The following GALNTL6 variants were observed in gnomAD, a reference collection of about 807,000 sequenced individuals.
GALNTL6 encodes the protein polypeptide N-acetylgalactosaminyltransferase like 6.
In GALNTL6, 46 loss-of-function variants were observed where a neutral mutation model predicts 73.7. The ratio of observed to expected loss-of-function variants is 0.62; its 90% confidence interval spans 0.49 to 0.80. The LOEUF (loss-of-function observed/expected upper bound fraction) is 0.80, where lower values mean the gene tolerates loss of function less well. GALNTL6 is among the 30% of genes least tolerant of loss of function. The pLI, the probability that GALNTL6 is intolerant of heterozygous loss-of-function variation, is 0.00. For missense variants in GALNTL6, 604 were observed against 755.0 expected, an observed-to-expected ratio of 0.80 and a Z score of 2.34; for synonymous variants, 259 against 263.7, an observed-to-expected ratio of 0.98 and a Z score of 0.17.
In GALNTL6 at chr4:172,809,644, T is replaced by C; in HGVS notation, c.739+98T>C. On this transcript the variant is annotated intron_variant, in intron 6 of 12. Transcript: ENST00000506823. This position sits in a 1 kb window ranked among gnomAD's most constrained non-coding sequence, Gnocchi z 4.4. ...CAATCAGCAAACACTAGAGGTCCCT[T>C]CTACAAGTTTTCCAGGGGAAGCCTT... is the stretch of plus-strand genomic sequence containing the variant. 1.1e-6 allele frequency: 1 copy of C among 910,024 alleles called. No individual in the cohort carries two copies. Among genetic ancestry groups the C allele is most frequent in the Non-Finnish European group, 1.6e-6 (1 of 614,160 alleles). 56.4% of individuals were successfully genotyped at this position (910,024 alleles called of 1,614,324 possible). A position where few individuals can be genotyped will look rare whatever the true frequency, so the allele number is the denominator to read the frequency against.
chr4:172,535,572 T>C (rs945417773), intron 5 of GALNTL6, among the ~76,000 whole-genome samples: 7 of 152,206 alleles, frequency 4.6e-5, no homozygotes, highest in East Asian at 1.9e-4. Flanking sequence ...CTTTGAACAA[T>C]AACCACATCA....
chr4:172,619,211 G>A (rs1397279854), intron 5 of GALNTL6, among the ~76,000 whole-genome samples: 1 of 152,100 alleles, frequency 6.6e-6, no homozygotes, highest in Admixed American at 6.6e-5. Flanking sequence ...ATAATCTGGT[G>A]GGAAGGAAAA....
At chr4:172,376,594 A>G (rs1743040132) in intron 5 of GALNTL6, among the ~76,000 whole-genome samples, 1 of 152,158 alleles carries the variant, frequency 6.6e-6, no homozygotes. Context: ...AGTCGCTTTT[A>G]ACTGTGCCTG....
chr4:171,950,654 A>AT (rs1738850742), intron 2 of GALNTL6, among the ~76,000 whole-genome samples: 1 of 151,690 alleles, frequency 6.6e-6, no homozygotes, highest in African/African-American at 2.4e-5. Flanking sequence ...TAATTTTTGT[A>AT]TTTTTAGTAG....
intron 5 of GALNTL6, among the ~76,000 whole-genome samples, chr4:172,702,473 G>A (rs986700705): frequency 6.6e-6 from 1 of 151,934 alleles, no homozygotes; most frequent in Non-Finnish European, 1.5e-5. Context: ...TATTCCTGCT[G>A]AAGTCTGAAT....
intron 2 of GALNTL6, among the ~76,000 whole-genome samples, chr4:171,873,069 G>C (rs118012830): frequency 2.0e-5 from 3 of 152,088 alleles, no homozygotes; most frequent in Non-Finnish European, 4.4e-5. Context: ...ATATGTGTGC[G>C]CTCAAGGCCA....
At position 172,356,797 on chromosome 4, in the gene GALNTL6, A is replaced by T. The variant is rs191162090; in HGVS notation, c.553+8108A>T. Among the ~76,000 whole-genome samples, 7 of 152,256 alleles carry T rather than the reference A, an allele frequency of 4.6e-5. No homozygotes were observed. The East Asian group carries it at 1.2e-3, about 25-fold the overall frequency. ...CTAAGTCACACAGTGGGTCAATTTT[A>T]TATGCTTTGATAAATGCTAGTTTAA... On this transcript the variant is annotated intron_variant, in intron 5 of 12. Transcript: ENST00000506823.
At chr4:172,934,403 A>T (rs1258806021) in intron 9 of GALNTL6, among the ~76,000 whole-genome samples, 1 of 152,340 alleles carries the variant, frequency 6.6e-6, no homozygotes, top group Admixed American at 6.5e-5. Context: ...CTTTTTATGC[A>T]GAAACTATAA....
rs757287233 is a variant in GALNTL6 at position 172,712,343 on chromosome 4, C to A, written c.554-97018C>A. The stretch of plus-strand genomic sequence containing the variant: ...TTTTAGGGTACATGTGCAGAACGTG[C>A]AGGTTAGTTACGTATGTATACATGT... On this transcript the variant is annotated intron_variant, in intron 5 of 12. Transcript: ENST00000506823. Among the ~76,000 whole-genome samples, 19 of 152,050 alleles carry A rather than the reference C, an allele frequency of 1.2e-4. No homozygotes were observed. The East Asian group carries it at 3.7e-3, about 29-fold the overall frequency.
intron 11 of GALNTL6, among the ~76,000 whole-genome samples, chr4:173,009,707 C>T (rs1366649095): frequency 6.6e-6 from 1 of 152,174 alleles, no homozygotes; most frequent in Non-Finnish European, 1.5e-5. Flanking sequence ...ACTTGCTTTT[C>T]CCCTGACCAT....
chr4:172,490,838 C>T (rs1472501346), intron 5 of GALNTL6, among the ~76,000 whole-genome samples: 3 of 152,142 alleles, frequency 2.0e-5, no homozygotes, highest in East Asian at 3.9e-4. Context: ...CAGATTGTAC[C>T]GCAAGGTCAG....
At chr4:172,585,797 T>A (rs1275117717) in intron 5 of GALNTL6, among the ~76,000 whole-genome samples, 1 of 151,880 alleles carries the variant, frequency 6.6e-6, no homozygotes, top group Non-Finnish European at 1.5e-5. Context: ...ACAAGGAACT[T>A]AAACAAATTT....
At chr4:172,656,914 A>G (rs1263973977) in intron 5 of GALNTL6, among the ~76,000 whole-genome samples, 1 of 145,214 alleles carries the variant, frequency 6.9e-6, no homozygotes, top group Non-Finnish European at 1.5e-5. Flanking sequence ...ATTGAGTTAA[A>G]TGAGAAGGAC....
rs183745001 is a variant in GALNTL6, at chr4:171,828,482, G to A, written c.138+13764G>A. ...AAGACAAAGTAGAGTTGTTTGATAC[G>A]TACCGTAGATGGAAGTCCACAGCTG... is the stretch of plus-strand genomic sequence containing the variant. On this transcript the variant is annotated intron_variant, in intron 2 of 12. Coordinates refer to ENST00000506823, the MANE Select transcript of GALNTL6 (RefSeq NM_001034845.3). Among the ~76,000 whole-genome samples the A allele has an allele frequency of 1.3e-4, 20 of 152,324 alleles. No individual in the cohort carries two copies. In the East Asian group the frequency reaches 3.1e-3, roughly 23 times the overall value.
chr4:171,977,624 T>A (rs1034900614), intron 2 of GALNTL6, among the ~76,000 whole-genome samples: 4 of 152,154 alleles, frequency 2.6e-5, no homozygotes, highest in African/African-American at 9.7e-5. Context: ...TATCTGTAAT[T>A]ACAGTCACAT....
chr4:171,883,088 CA>C (rs1736498906), intron 2 of GALNTL6, among the ~76,000 whole-genome samples: 1 of 152,148 alleles, frequency 6.6e-6, no homozygotes, highest in African/African-American at 2.4e-5. Context: ...CAGTGGCTCA[CA>C]CCTGTAATCC....
chr4:171,973,756 T>G (rs1408720669), intron 2 of GALNTL6, among the ~76,000 whole-genome samples: 1 of 152,182 alleles, frequency 6.6e-6, no homozygotes. Context: ...TAATTGATAC[T>G]ATAGATGTTC....
At chr4:172,477,213 A>G (rs1217243154) in intron 5 of GALNTL6, among the ~76,000 whole-genome samples, 1 of 150,160 alleles carries the variant, frequency 6.7e-6, no homozygotes, top group Non-Finnish European at 1.5e-5. Context: ...GAGCACTCCT[A>G]AAATATTATT....
At position 172,026,428 on chromosome 4, in the gene GALNTL6, G is replaced by T. The variant is rs894658431; in HGVS notation, c.139-203228G>T. 2.0e-5 allele frequency among the ~76,000 whole-genome samples: 3 copies of T among 152,176 alleles called. No individual in the cohort carries two copies. The East Asian group carries it at 5.8e-4, about 29-fold the overall frequency. On this transcript the variant is annotated intron_variant, in intron 2 of 12. Coordinates refer to ENST00000506823, the MANE Select transcript of GALNTL6 (RefSeq NM_001034845.3). ...AAATTTTGTAATCAGAAAGATGTAG[G>T]TTCAAATTATCTGTATCTGCACTAT...
Sources: allele counts gnomAD v4.1 joint callset (sites outside exome capture counted in the v4.1 genomes callset), GRCh38; gene constraint gnomAD v4.1.1; non-coding constraint Gnocchi (gnomAD v3.1); transcripts MANE v1.5; gene names NCBI Gene and HGNC (gene_info 2026-07-23, HGNC 2026-07-21).